ADD1: variants seen among roughly 807,000 people sequenced by gnomAD.
ADD1 encodes the protein adducin 1.
A neutral mutation model predicts 80.5 loss-of-function variants in ADD1; 24 were observed. The observed-to-expected ratio is 0.30, with a 90% CI of 0.22 to 0.42. The LOEUF is 0.42. ADD1 is among the 10% of genes least tolerant of loss of function. The probability of loss-of-function intolerance (pLI) is 1.00; values close to 1 mark genes in which losing one functional copy is unlikely to be tolerated. For missense variants in ADD1, 948 were observed against 1,019.0 expected (o/e 0.93, Z 0.95); for synonymous variants, 373 against 393.8 (o/e 0.95, Z 0.63).
Position 2,909,320 on chromosome 4 carries a change from A to G in ADD1, c.1699-19A>G. ...AGGCTGGGCCTGGTGTGCTCTGGTG[A>G]CTCAGTTTACTGTTTCAGGATGCAC... On this transcript the variant is annotated intron_variant, in intron 12 of 15. Transcript: ENST00000683351. The G allele has an allele frequency of 6.5e-7, 1 of 1,543,270 alleles. No individual in the cohort carries two copies. The highest frequency in any genetic ancestry group is 2.4e-5 in the East Asian group (1 of 40,862).
rs1354030152 is a variant in ADD1 at position 2,926,191 on chromosome 4, C to T, written c.2047+79C>T. The stretch of plus-strand genomic sequence containing the variant: ...CGCTGTGGCGGAATGTGGCGGGAGT[C>T]GTGTTAACAGCAACACGGAAGTGTG... On this transcript the variant is annotated intron_variant, in intron 15 of 15. Coordinates refer to ENST00000683351, the MANE Select transcript of ADD1 (RefSeq NM_001354761.2). The surrounding 1 kb of genome is among the most constrained non-coding windows in gnomAD (Gnocchi z 5.0). 9 of 1,263,624 alleles carry T rather than the reference C, an allele frequency of 7.1e-6. No individual in the cohort carries two copies. The highest frequency in any genetic ancestry group is 3.6e-5 in the South Asian group (3 of 82,604). The allele number at this position is 1,263,624 out of a possible 1,614,324, so 78.3% of individuals were successfully genotyped here.
chr4:2,879,691 C>T (rs994600726), intron 2 of ADD1, among the ~76,000 whole-genome samples: 5 of 151,832 alleles, frequency 3.3e-5, no homozygotes, highest in South Asian at 2.1e-4. Flanking sequence ...GGCGTGATCT[C>T]GGCTCACTGT....
intron 1 of ADD1, chr4:2,868,101 A>G (rs1729827983): frequency 6.6e-6 from 1 of 152,268 alleles, no homozygotes; most frequent in Admixed American, 6.5e-5. Flanking sequence ...CGTCAGCCTA[A>G]AGCTGTGAAG....
At chr4:2,877,737 G>A (rs1731588653) in intron 2 of ADD1, among the ~76,000 whole-genome samples, 1 of 152,288 alleles carries the variant, frequency 6.6e-6, no homozygotes, top group Middle Eastern at 3.4e-3. Context: ...TGTAATCCCA[G>A]CACTTTGGGA....
intron 2 of ADD1, among the ~76,000 whole-genome samples, chr4:2,880,997 G>C (rs1732220222): frequency 1.3e-5 from 2 of 150,752 alleles, no homozygotes; most frequent in African/African-American, 4.9e-5. Context: ...GTACTGCAAA[G>C]GATAAAGTAG....
chr4:2,893,786 C>A (rs926198069), intron 4 of ADD1, among the ~76,000 whole-genome samples: 2 of 152,014 alleles, frequency 1.3e-5, no homozygotes, highest in African/African-American at 4.8e-5. Flanking sequence ...TCTATAAAGT[C>A]AGTTATCATG....
chr4:2,886,913 G>A (rs556879206), intron 4 of ADD1, among the ~76,000 whole-genome samples: 218 of 152,320 alleles, frequency 1.4e-3, no homozygotes, highest in African/African-American at 5.1e-3. Context: ...TGTTACAGCT[G>A]TGATTGGAAA....
intron 1 of ADD1, among the ~76,000 whole-genome samples, chr4:2,863,163 A>T (rs371458423): frequency 8.6e-4 from 130 of 151,802 alleles, no homozygotes; most frequent in African/African-American, 2.9e-3. Context: ...CTCTCACCTC[A>T]GACTCCTAAG....
intron 12 of ADD1, chr4:2,909,135 T>C (rs893706347): frequency 1.7e-6 from 1 of 590,942 alleles, no homozygotes. Flanking sequence ...CACCTGACTC[T>C]GCAGGGGTAG....
Position 2,908,597 on chromosome 4 carries a change from T to A in ADD1, c.1691T>A (p.Leu564His). 1.2e-6 allele frequency: 2 copies of A among 1,614,004 alleles called. No individual in the cohort carries two copies. The highest frequency in any genetic ancestry group is 1.7e-6 in the Non-Finnish European group (2 of 1,179,832). ...TGTGGTGTAGTGATGGACAGGAGCC[T>A]CGTCCAGGTGAGAGCCCAGAGTGTC... ...VLCGVVMDRS[L>H]VQDAPLSDCT... Residue 564 changes from leucine (L) to histidine (H), a missense_variant, in exon 12 of 16, where the codon CTC (leucine) becomes CAC (histidine). By Grantham distance (99) the Leu-to-His change is moderately conservative. Coordinates refer to ENST00000683351, the MANE Select transcript of ADD1 (RefSeq NM_001354761.2).
At chr4:2,888,605 A>G (rs1206165938) in intron 4 of ADD1, among the ~76,000 whole-genome samples, 1 of 150,992 alleles carries the variant, frequency 6.6e-6, no homozygotes, top group African/African-American at 2.4e-5. Context: ...TTTACTAGAG[A>G]TGGGGTTTCA....
At position 2,926,508 on chromosome 4, in the gene ADD1, C is replaced by CCTCGGTCTCGTACATCCATGTCTCT; in HGVS notation, c.2047+398_2047+422dup. 1.1e-6 allele frequency: 1 copy of CCTCGGTCTCGTACATCCATGTCTCT among 937,338 alleles called. No individual in the cohort carries two copies. The allele number at this position is 937,338 out of a possible 1,614,324, so 58.1% of individuals were successfully genotyped here. A position where few individuals can be genotyped will look rare whatever the true frequency, so the allele number is the denominator to read the frequency against. ...TGGTGTGTGATCCCGGGTGTCTGTC[C>CCTCGGTCTCGTACATCCATGTCTCT]CTCGGTCTCGTACATCCATGTCTCT... On this transcript the variant is annotated intron_variant, in intron 15 of 15. Transcript: ENST00000683351. This position sits in a 1 kb window ranked among gnomAD's most constrained non-coding sequence, Gnocchi z 5.0.
At chr4:2,912,563 C>CTG (rs3034856) in intron 13 of ADD1, among the ~76,000 whole-genome samples, 80,732 of 151,932 alleles carry the variant, frequency 0.53, 21,791 homozygotes, top group African/African-American at 0.61. Flanking sequence ...GCATCTTACT[C>CTG]TGGCCCATGC....
chr4:2,913,023 T>C (rs973824939), intron 13 of ADD1, among the ~76,000 whole-genome samples: 3 of 152,036 alleles, frequency 2.0e-5, no homozygotes, highest in African/African-American at 7.2e-5. Flanking sequence ...TTTTTTTGTA[T>C]TTTTAGTAGA....
At chr4:2,911,981 G>GT (rs1383002563) in intron 13 of ADD1, among the ~76,000 whole-genome samples, 2 of 152,218 alleles carry the variant, frequency 1.3e-5, no homozygotes, top group Non-Finnish European at 2.9e-5. Flanking sequence ...AGTGACCTGT[G>GT]TTGAGCACCT....
intron 11 of ADD1, 91 bp from the exon 12 acceptor site, chr4:2,908,424 G>T (rs1340802836): frequency 7.9e-6 from 9 of 1,142,170 alleles, no homozygotes; most frequent in Non-Finnish European, 1.2e-5. Flanking sequence ...TAGCTTCCAT[G>T]TGGCTGGGGC....
chr4:2,859,300 G>A (rs1220997609), intron 1 of ADD1, among the ~76,000 whole-genome samples: 1 of 152,108 alleles, frequency 6.6e-6, no homozygotes, highest in African/African-American at 2.4e-5. Context: ...AAAGGAAAAG[G>A]TTTGTCAACC....
In ADD1 at chr4:2,908,575, G is replaced by T. The variant is rs1211512393; in HGVS notation, c.1669G>T (p.Gly557Cys). The T allele has an allele frequency of 2.5e-6, 4 of 1,614,118 alleles. No homozygotes were observed. The African/African-American group carries it at 5.3e-5, about 22-fold the overall frequency. ...TAGPQSQVLC[G>C]VVMDRSLVQD... ...TGGCCCTCAGTCCCAGGTTTTGTGT[G>T]GTGTAGTGATGGACAGGAGCCTCGT... The change falls in exon 12 of 16, where the codon GGT becomes TGT. Residue 557 changes from glycine (G) to cysteine (C), a missense_variant. Physicochemically the swap from Gly to Cys is radical, Grantham distance 159. Transcript: ENST00000683351.
At chr4:2,902,048 C>G (rs1736286224) in intron 9 of ADD1, 1 of 152,048 alleles carries the variant, frequency 6.6e-6, no homozygotes, top group South Asian at 2.1e-4. Context: ...AACTACCACG[C>G]CTGACCCAAA....
Sources: allele counts gnomAD v4.1 joint callset (sites outside exome capture counted in the v4.1 genomes callset), GRCh38; gene constraint gnomAD v4.1.1; non-coding constraint Gnocchi (gnomAD v3.1); transcripts MANE v1.5; gene names NCBI Gene and HGNC (gene_info 2026-07-23, HGNC 2026-07-21).